The following PRKG1 variants were observed in gnomAD, a reference collection of about 807,000 sequenced individuals.
The protein encoded by PRKG1 is cGMP-dependent protein kinase 1.
PRKG1 carries 35 observed loss-of-function variants against 88.1 expected under a neutral mutation model. That is an observed-to-expected ratio of 0.40 (90% CI 0.30 to 0.53). The LOEUF (loss-of-function observed/expected upper bound fraction) is 0.53, where lower values mean the gene tolerates loss of function less well. Ranked by LOEUF, PRKG1 falls within the 20% of genes least tolerant of loss-of-function variation. The probability of loss-of-function intolerance (pLI) is 0.59; values close to 1 mark genes in which losing one functional copy is unlikely to be tolerated. For synonymous variants in PRKG1, 303 were observed against 292.5 expected (o/e 1.04, Z -0.37); for missense variants, 540 against 839.8 (o/e 0.64, Z 4.41).
chr10:51,655,853 A>G (rs571455130), intron 3 of PRKG1, among the ~76,000 whole-genome samples: 60 of 152,170 alleles, frequency 3.9e-4, no homozygotes, highest in Non-Finnish European at 6.9e-4. Context: ...TCAAATTCCT[A>G]TCACGAAATA....
At chr10:51,530,142 T>C (rs553206065) in intron 3 of PRKG1, among the ~76,000 whole-genome samples, 1 of 152,206 alleles carries the variant, frequency 6.6e-6, no homozygotes, top group South Asian at 2.1e-4. Flanking sequence ...AAGAAAAAAT[T>C]TAAGCTTTAT....
intron 3 of PRKG1, among the ~76,000 whole-genome samples, chr10:51,531,878 C>T (rs915261271): frequency 2.7e-4 from 41 of 151,856 alleles, no homozygotes; most frequent in African/African-American, 8.7e-4. Flanking sequence ...CCCCTGACCT[C>T]GTGATTTGCC....
chr10:51,775,263 T>C (rs1454578464), intron 3 of PRKG1, among the ~76,000 whole-genome samples: 4 of 152,170 alleles, frequency 2.6e-5, no homozygotes, highest in African/African-American at 7.2e-5. Context: ...CTGGTTGTTT[T>C]AGTGCACAAA....
At chr10:51,021,129 T>A (rs1454771947) in intron 1 of PRKG1, among the ~76,000 whole-genome samples, 1 of 152,172 alleles carries the variant, frequency 6.6e-6, no homozygotes, top group Non-Finnish European at 1.5e-5. Context: ...ATGTGTTGAA[T>A]CGAGACCAGA....
intron 2 of PRKG1, among the ~76,000 whole-genome samples, chr10:51,372,436 A>C (rs1842724317): frequency 6.6e-6 from 1 of 151,996 alleles, no homozygotes; most frequent in Non-Finnish European, 1.5e-5. Context: ...TTTGTTTTTC[A>C]CTTGTGTAAT....
chr10:51,207,853 G>A (rs1453832709), intron 2 of PRKG1, among the ~76,000 whole-genome samples: 1 of 152,166 alleles, frequency 6.6e-6, no homozygotes, highest in African/African-American at 2.4e-5. Context: ...ACCTCAGTCA[G>A]AAGTAATTTC....
intron 4 of PRKG1, among the ~76,000 whole-genome samples, chr10:51,837,197 G>A (rs1840153932): frequency 6.6e-6 from 1 of 152,182 alleles, no homozygotes; most frequent in Admixed American, 6.6e-5. Flanking sequence ...TCAAAGCACA[G>A]CCTACAGAAA....
intron 1 of PRKG1, among the ~76,000 whole-genome samples, chr10:51,050,186 C>A (rs1384790436): frequency 6.6e-6 from 1 of 151,608 alleles, no homozygotes; most frequent in Non-Finnish European, 1.5e-5. Flanking sequence ...AACATAATAT[C>A]TATCCTCTTA....
chr10:51,194,392 C>T (rs1837708539), intron 2 of PRKG1, among the ~76,000 whole-genome samples: 1 of 152,152 alleles, frequency 6.6e-6, no homozygotes, highest in South Asian at 2.1e-4. Context: ...TTCCCTAGCA[C>T]CCAACCCCCT....
chr10:51,662,064 C>A (rs1840313627), intron 3 of PRKG1, among the ~76,000 whole-genome samples: 1 of 152,028 alleles, frequency 6.6e-6, no homozygotes, highest in Non-Finnish European at 1.5e-5. Context: ...ACATCACACA[C>A]TGGGGCCTGT....
At chr10:51,528,428 A>G (rs112379056) in intron 3 of PRKG1, among the ~76,000 whole-genome samples, 1 of 82,728 alleles carries the variant, frequency 1.2e-5, no homozygotes, top group African/African-American at 3.0e-5. Flanking sequence ...TTTTTTCCCC[A>G]AAGGAAGAAT....
chr10:51,522,176 T>C (rs935179868), intron 3 of PRKG1, among the ~76,000 whole-genome samples: 10 of 152,214 alleles, frequency 6.6e-5, no homozygotes, highest in African/African-American at 2.2e-4. Context: ...TTCACATTAG[T>C]ATATAACCAT....
chr10:51,143,952 A>G (rs6479972), intron 1 of PRKG1, among the ~76,000 whole-genome samples: 61,468 of 151,418 alleles, frequency 0.41, 12,361 homozygotes, highest in Non-Finnish European at 0.43. Context: ...TGTTTCCTTA[A>G]CTGTAAAGAG....
Position 52,280,939 on chromosome 10 carries a change from A to G in PRKG1, c.1545+9A>G. 6.2e-7 allele frequency: 1 copy of G among 1,610,742 alleles called. No individual in the cohort carries two copies. The highest frequency in any genetic ancestry group is 8.5e-7 in the Non-Finnish European group (1 of 1,178,100). On this transcript the variant is annotated intron_variant, in intron 13 of 17. Coordinates refer to ENST00000373980, the MANE Select transcript of PRKG1 (RefSeq NM_006258.4). Reference sequence around the variant, plus strand: ...GAGGTTATGCCAAACTGGTCAGTGCATTTCATACGTGCTTTCTGCCCTGCA... The same window carrying G: ...GAGGTTATGCCAAACTGGTCAGTGCGTTTCATACGTGCTTTCTGCCCTGCA...
At chr10:51,976,227 A>G (rs1341053606) in intron 5 of PRKG1, among the ~76,000 whole-genome samples, 3 of 151,984 alleles carry the variant, frequency 2.0e-5, no homozygotes, top group Admixed American at 1.3e-4. Flanking sequence ...TTAAACATAG[A>G]TTTACCATAT....
chr10:51,230,147 T>C (rs1165836281), intron 2 of PRKG1, among the ~76,000 whole-genome samples: 4 of 152,184 alleles, frequency 2.6e-5, no homozygotes, highest in Non-Finnish European at 5.9e-5. Context: ...AGAACATTTA[T>C]TCAGTGGCCA....
intron 2 of PRKG1, among the ~76,000 whole-genome samples, chr10:51,432,642 A>T (rs775853508): frequency 6.6e-6 from 1 of 151,684 alleles, no homozygotes; most frequent in Non-Finnish European, 1.5e-5. Flanking sequence ...GAAAAGGTCT[A>T]CCAGGGGCAG....
chr10:51,473,294 T>C (rs1186419076), intron 3 of PRKG1, among the ~76,000 whole-genome samples: 1 of 151,934 alleles, frequency 6.6e-6, no homozygotes, highest in East Asian at 1.9e-4. Flanking sequence ...ACAAAAGCCA[T>C]GTTTTAATCT....
At chr10:51,664,548 C>A (rs1840377353) in intron 3 of PRKG1, among the ~76,000 whole-genome samples, 1 of 152,070 alleles carries the variant, frequency 6.6e-6, no homozygotes, top group African/African-American at 2.4e-5. Flanking sequence ...GGGCTTAAAG[C>A]ATTTTCATGG....
Sources: gnomAD v4.1 joint callset for allele counts (sites outside exome capture counted in the v4.1 genomes callset) on GRCh38, gnomAD v4.1.1 for gene constraint, MANE v1.5 for transcripts, NCBI Gene and HGNC (gene_info 2026-07-23, HGNC 2026-07-21) for gene names.